The following NSUN3 variants were observed in gnomAD, a reference collection of about 807,000 sequenced individuals.
NSUN3 encodes the protein tRNA (cytosine(34)-C(5))-methyltransferase, mitochondrial.
NSUN3 carries 24 observed loss-of-function variants against 36.8 expected under a neutral mutation model. The observed-to-expected ratio is 0.65, with a 90% CI of 0.47 to 0.92. NSUN3 has a LOEUF of 0.92. Ranked by LOEUF, NSUN3 falls within the 40% of genes least tolerant of loss-of-function variation. NSUN3 has a pLI of 0.00. For synonymous variants in NSUN3, 146 were observed against 145.2 expected (o/e 1.01, Z -0.04); for missense variants, 381 against 392.8 (o/e 0.97, Z 0.25).
intron 5 of NSUN3, among the ~76,000 whole-genome samples, chr3:94,120,634 A>G (rs758866885): frequency 6.6e-5 from 10 of 152,190 alleles, no homozygotes; most frequent in Non-Finnish European, 1.2e-4. Flanking sequence ...ATTTCATCAT[A>G]TCTATGTATC....
At chr3:94,106,667 G>T (rs985466766) in intron 5 of NSUN3, among the ~76,000 whole-genome samples, 4 of 151,814 alleles carry the variant, frequency 2.6e-5, no homozygotes, top group African/African-American at 7.3e-5. Flanking sequence ...AGTGGTCGGG[G>T]TTTTTTTTGT....
chr3:94,097,317 T>C (rs1444057813), intron 5 of NSUN3, among the ~76,000 whole-genome samples: 6 of 152,272 alleles, frequency 3.9e-5, no homozygotes, highest in Non-Finnish European at 5.9e-5. Context: ...GAAATACATT[T>C]TAAAATAACT....
intron 2 of NSUN3, among the ~76,000 whole-genome samples, chr3:94,077,978 C>T (rs1576083503): frequency 2.0e-5 from 3 of 152,216 alleles, no homozygotes; most frequent in Admixed American, 2.0e-4. Context: ...TTGTCTTCTG[C>T]TAGCTTTTGA....
chr3:94,111,906 A>G (rs561475293), intron 5 of NSUN3, among the ~76,000 whole-genome samples: 111 of 152,100 alleles, frequency 7.3e-4, no homozygotes, highest in African/African-American at 2.6e-3. Context: ...GCTGCATTAT[A>G]ATCTCATGGG....
At chr3:94,102,392 CACT>C (rs2077369754) in intron 5 of NSUN3, among the ~76,000 whole-genome samples, 1 of 151,974 alleles carries the variant, frequency 6.6e-6, no homozygotes, top group Non-Finnish European at 1.5e-5. Context: ...AGATTTCCAC[CACT>C]GCTTCAGCTA....
chr3:94,119,509 G>A (rs141892365), intron 5 of NSUN3, among the ~76,000 whole-genome samples: 112 of 152,170 alleles, frequency 7.4e-4, no homozygotes, highest in Non-Finnish European at 1.3e-3. Context: ...GTTAGATTCC[G>A]GAGCTCAGGT....
chr3:94,064,671 T>C, intron 2 of NSUN3, 125 bp downstream of exon 2: 5 of 586,712 alleles, frequency 8.5e-6, no homozygotes, highest in Non-Finnish European at 1.5e-5. Context: ...CTTTTCCTAC[T>C]GAAGCTATAG....
At chr3:94,117,352 G>T (rs80071104) in intron 5 of NSUN3, among the ~76,000 whole-genome samples, 14 of 152,018 alleles carry the variant, frequency 9.2e-5, no homozygotes, top group East Asian at 1.9e-4. Context: ...TGGATTTCAC[G>T]ACAGAGTATG....
intron 5 of NSUN3, among the ~76,000 whole-genome samples, chr3:94,101,215 A>T (rs1037313954): frequency 1.3e-5 from 2 of 151,820 alleles, no homozygotes; most frequent in Non-Finnish European, 2.9e-5. Context: ...CTGGTCTCGA[A>T]CTCCTGGCTC....
Position 94,094,214 on chromosome 3 carries a change from C to A in NSUN3, c.541C>A (p.Gln181Lys), listed in dbSNP as rs765943080. The A allele has an allele frequency of 2.5e-6, 4 of 1,613,534 alleles. No individual in the cohort carries two copies. The Middle Eastern group carries it at 5.0e-4, about 200-fold the overall frequency. The change falls in exon 4 of 6, where the codon CAG (glutamine) becomes AAG (lysine). Residue 181 changes from glutamine (Q) to lysine (K), a missense_variant. Gln to Lys is a moderately conservative substitution (Grantham distance 53). Transcript: ENST00000314622. ...GCAGACGTTGGAATCTTTCATCCCA[C>A]AGCCTTTGATAAATGTAATTAAAGT... ...LRQTLESFIP[Q>K]PLINVIKVSE...
intron 3 of NSUN3, among the ~76,000 whole-genome samples, chr3:94,092,294 A>G (rs2077318528): frequency 6.6e-6 from 1 of 152,052 alleles, no homozygotes; most frequent in Admixed American, 6.5e-5. Flanking sequence ...GACTGACCAA[A>G]GCTCTAGGCA....
chr3:94,098,099 A>T (rs554914734), intron 5 of NSUN3, among the ~76,000 whole-genome samples: 2 of 152,074 alleles, frequency 1.3e-5, no homozygotes, highest in Non-Finnish European at 2.9e-5. Context: ...AATTCCACCA[A>T]CCTGCCTCTT....
chr3:94,126,703 A>T lies in NSUN3; in HGVS notation c.*213A>T. The T allele has an allele frequency of 2.0e-6, 1 of 494,630 alleles. No individual in the cohort carries two copies. Among genetic ancestry groups the T allele is most frequent in the Non-Finnish European group, 3.6e-6 (1 of 279,972 alleles). The allele number at this position is 494,630 out of a possible 1,614,324, so 30.6% of individuals were successfully genotyped here. On this transcript the variant is annotated 3_prime_UTR_variant, in exon 6 of 6. Transcript: ENST00000314622. Reference sequence around the variant, plus strand: ...CTGTAACAATGATTTAAGGTGGTGCAGATGGTGTTTGTTCTATATTATAAA... The same window carrying T: ...CTGTAACAATGATTTAAGGTGGTGCTGATGGTGTTTGTTCTATATTATAAA...
chr3:94,086,938 G>A (rs931377400), intron 3 of NSUN3, among the ~76,000 whole-genome samples: 1 of 152,150 alleles, frequency 6.6e-6, no homozygotes, highest in Non-Finnish European at 1.5e-5. Context: ...GTCAAATTTG[G>A]TTACCATTTT....
At position 94,128,734 on chromosome 3, in the gene NSUN3, G is replaced by A. The variant is rs2077498280; in HGVS notation, c.*2244G>A. 6.6e-6 allele frequency among the ~76,000 whole-genome samples: 1 copy of A among 151,950 alleles called. No individual in the cohort carries two copies. Among genetic ancestry groups the A allele is most frequent in the Admixed American group, 6.6e-5 (1 of 15,234 alleles). ...AACTTACAGGATGGGAGAAATATTT[G>A]CAAATTATGCATCTGCCAAAGGTCT... is the stretch of plus-strand genomic sequence containing the variant. On this transcript the variant is annotated 3_prime_UTR_variant, in exon 6 of 6. Transcript: ENST00000314622.
At chr3:94,119,679 G>A (rs2077453702) in intron 5 of NSUN3, among the ~76,000 whole-genome samples, 1 of 152,224 alleles carries the variant, frequency 6.6e-6, no homozygotes, top group African/African-American at 2.4e-5. Context: ...AACCCTAGGA[G>A]TGAGTTTTTA....
intron 2 of NSUN3, among the ~76,000 whole-genome samples, chr3:94,066,888 T>C (rs2077206026): frequency 6.6e-6 from 1 of 152,180 alleles, no homozygotes; most frequent in Non-Finnish European, 1.5e-5. Flanking sequence ...CTCTATACCT[T>C]CACTACCTTT....
intron 5 of NSUN3, among the ~76,000 whole-genome samples, chr3:94,105,643 C>T (rs1053231559): frequency 6.6e-6 from 1 of 152,030 alleles, no homozygotes; most frequent in Non-Finnish European, 1.5e-5. Flanking sequence ...GAACCGGAGA[C>T]CCCCTTAGTC....
intron 2 of NSUN3, among the ~76,000 whole-genome samples, chr3:94,079,153 C>T (rs539845423): frequency 1.3e-5 from 2 of 152,250 alleles, no homozygotes; most frequent in East Asian, 1.9e-4. Context: ...CATTTACTTG[C>T]CTGTAAAGGA....
Sources: gnomAD v4.1 joint callset for allele counts (sites outside exome capture counted in the v4.1 genomes callset) on GRCh38, gnomAD v4.1.1 for gene constraint, MANE v1.5 for transcripts, NCBI Gene and HGNC (gene_info 2026-07-23, HGNC 2026-07-21) for gene names.